Variants in FNIP2 observed in about 807,000 individuals in gnomAD.
The protein encoded by FNIP2 is folliculin interacting protein 2.
A neutral mutation model predicts 108.7 loss-of-function variants in FNIP2; 32 were observed. The ratio of observed to expected loss-of-function variants is 0.29; its 90% CI spans 0.22 to 0.40. FNIP2 has a LOEUF of 0.40. FNIP2 is among the 10% of genes least tolerant of loss of function. The pLI is 1.00. For synonymous variants in FNIP2, 480 were observed against 496.7 expected, an observed-to-expected ratio of 0.97 and a Z score of 0.45; for missense variants, 1,202 against 1,381.6, an observed-to-expected ratio of 0.87 and a Z score of 2.06.
chr4:158,902,994 C>T (rs573576109), intron 16 of FNIP2, among the ~76,000 whole-genome samples: 72 of 152,244 alleles, frequency 4.7e-4, no homozygotes, highest in African/African-American at 9.6e-4. Context: ...GGGAGTGAAC[C>T]GTTCTGTCTC....
At chr4:158,889,641 C>T (rs904956676) in intron 14 of FNIP2, among the ~76,000 whole-genome samples, 7 of 152,198 alleles carry the variant, frequency 4.6e-5, no homozygotes, top group South Asian at 4.1e-4. Flanking sequence ...GACAGGCATA[C>T]GTTCAACTCA....
intron 14 of FNIP2, among the ~76,000 whole-genome samples, chr4:158,873,212 A>G (rs991457999): frequency 1.3e-5 from 2 of 152,072 alleles, no homozygotes; most frequent in South Asian, 2.1e-4. Context: ...GCTAGATTTC[A>G]GCAGGCTTTG....
chr4:158,841,658 T>C (rs993408143), intron 7 of FNIP2, among the ~76,000 whole-genome samples: 1 of 152,250 alleles, frequency 6.6e-6, no homozygotes, highest in Non-Finnish European at 1.5e-5. Flanking sequence ...GCAGTACAAC[T>C]TGATCCTCTT....
At chr4:158,770,333 C>G (rs750187850) in intron 1 of FNIP2, among the ~76,000 whole-genome samples, 51 of 152,108 alleles carry the variant, frequency 3.4e-4, no homozygotes, top group Non-Finnish European at 6.2e-4. Flanking sequence ...AATTGAGCAC[C>G]AACTCCCAAT....
chr4:158,787,052 G>T (rs911467105), intron 1 of FNIP2, among the ~76,000 whole-genome samples: 2 of 152,008 alleles, frequency 1.3e-5, no homozygotes, highest in African/African-American at 2.4e-5. Flanking sequence ...ATGACTTCAG[G>T]TAGCTGATCC....
chr4:158,887,676 G>A (rs1008868919), intron 14 of FNIP2, among the ~76,000 whole-genome samples: 1 of 129,232 alleles, frequency 7.7e-6, no homozygotes, highest in Non-Finnish European at 1.5e-5. Flanking sequence ...GGCGGAGGTT[G>A]TAGAGAGCCG....
At chr4:158,813,984 T>C (rs1777427757) in intron 1 of FNIP2, among the ~76,000 whole-genome samples, 1 of 152,240 alleles carries the variant, frequency 6.6e-6, no homozygotes. Context: ...TATTGATTTA[T>C]ATTTATGTGG....
chr4:158,883,111 C>CA (rs375313649), intron 14 of FNIP2, among the ~76,000 whole-genome samples: 45 of 149,206 alleles, frequency 3.0e-4, no homozygotes, highest in East Asian at 1.8e-3. Context: ...CTAACACACA[C>CA]AAAAAAAAAA....
Position 158,825,911 on chromosome 4 carries a change from C to T in FNIP2, c.108-5C>T, listed in dbSNP as rs780156491. The T allele has an allele frequency of 1.2e-5, 20 of 1,604,094 alleles. No individual in the cohort carries two copies. The highest frequency in any genetic ancestry group is 2.6e-6 in the Non-Finnish European group (3 of 1,172,330). ...ATAACTTCTTTTGCCCTTTTTAATC[C>T]ACAGTTGGTCATGTTCGGAGTTTGA... is the stretch of plus-strand genomic sequence containing the variant. On this transcript the variant is annotated splice_polypyrimidine_tract_variant and splice_region_variant and intron_variant, in intron 1 of 16. Transcript: ENST00000264433.
intron 1 of FNIP2, among the ~76,000 whole-genome samples, chr4:158,792,729 G>A (rs772367063): frequency 6.6e-5 from 10 of 152,146 alleles, no homozygotes; most frequent in African/African-American, 2.4e-4. Flanking sequence ...CAGTGTTCAT[G>A]GTGACTTTAT....
At chr4:158,821,868 G>T (rs991969903) in intron 1 of FNIP2, among the ~76,000 whole-genome samples, 3 of 152,128 alleles carry the variant, frequency 2.0e-5, no homozygotes, top group African/African-American at 7.2e-5. Context: ...CGGGCAGATT[G>T]CCTGAGCTCA....
chr4:158,861,354 G>T lies in FNIP2; in HGVS notation c.1161G>T (p.Trp387Cys). Residue 387 changes from tryptophan to cysteine, a missense_variant, in exon 11 of 17, where the codon TGG becomes TGT. Trp to Cys is a radical substitution (Grantham distance 215). This residue lies in a region of FNIP2 where 878 missense variants were observed against 990.3 expected (regional missense o/e 0.89). Coordinates refer to ENST00000264433, the MANE Select transcript of FNIP2 (RefSeq NM_020840.3). ...EALGEFRGTI[W>C]NLYSVPRIAE... ...TTCTGTTCTATAGAGGAACTATCTG[G>T]AACTTATATTCTGTTCCAAGGATAG... The T allele has an allele frequency of 6.2e-7, 1 of 1,613,390 alleles. No homozygotes were observed. The highest frequency in any genetic ancestry group is 1.1e-5 in the South Asian group (1 of 90,930).
chr4:158,785,910 CCTCCCAGCTGACGTCT>C (rs1411774599), intron 1 of FNIP2, among the ~76,000 whole-genome samples: 2 of 152,110 alleles, frequency 1.3e-5, no homozygotes, highest in Non-Finnish European at 2.9e-5. Flanking sequence ...TTTGTTGGCT[CCTCCCAGCTGACGTCT>C]CTCTTTAGTA....
At chr4:158,818,970 C>A (rs1253864271) in intron 1 of FNIP2, among the ~76,000 whole-genome samples, 1 of 152,238 alleles carries the variant, frequency 6.6e-6, no homozygotes, top group African/African-American at 2.4e-5. Context: ...ATCCATCACT[C>A]ACCCAACTGT....
At chr4:158,797,516 A>G (rs1400680207) in intron 1 of FNIP2, among the ~76,000 whole-genome samples, 3 of 152,198 alleles carry the variant, frequency 2.0e-5, no homozygotes, top group African/African-American at 7.2e-5. Context: ...CCTGGGCAAC[A>G]TGGTGAGACC....
chr4:158,894,489 T>C (rs965311167), intron 15 of FNIP2, among the ~76,000 whole-genome samples: 1 of 152,290 alleles, frequency 6.6e-6, no homozygotes, highest in Admixed American at 6.5e-5. Context: ...GTCTAAATGC[T>C]TTGATTTCAC....
chr4:158,774,871 G>A (rs1271011400), intron 1 of FNIP2, among the ~76,000 whole-genome samples: 1 of 152,186 alleles, frequency 6.6e-6, no homozygotes, highest in African/African-American at 2.4e-5. Flanking sequence ...AAAACATGTA[G>A]TTATAATTTT....
chr4:158,820,739 C>G (rs926076103), intron 1 of FNIP2, among the ~76,000 whole-genome samples: 4 of 152,124 alleles, frequency 2.6e-5, no homozygotes, highest in African/African-American at 9.7e-5. Context: ...GTGCTGTGCC[C>G]TCAGTCTGCA....
intron 1 of FNIP2, among the ~76,000 whole-genome samples, chr4:158,771,460 A>G (rs1775695882): frequency 6.6e-6 from 1 of 152,172 alleles, no homozygotes; most frequent in Non-Finnish European, 1.5e-5. Flanking sequence ...CCTGTGTTTC[A>G]TTTTACCCAG....
Sources: allele counts gnomAD v4.1 joint callset (sites outside exome capture counted in the v4.1 genomes callset), GRCh38; gene constraint gnomAD v4.1.1; regional missense constraint gnomAD v4.1.1; transcripts MANE v1.5; gene names NCBI Gene and HGNC (gene_info 2026-07-23, HGNC 2026-07-21).